The following GRID1 variants were observed in gnomAD, a reference collection of about 807,000 sequenced individuals.
The protein encoded by GRID1 is glutamate ionotropic receptor delta type subunit 1.
A neutral mutation model predicts 98.0 loss-of-function variants in GRID1; 28 were observed. The ratio of observed to expected loss-of-function variants is 0.29; its 90% CI spans 0.21 to 0.39. The LOEUF (loss-of-function observed/expected upper bound fraction) is 0.39. Ranked by LOEUF, GRID1 falls within the 10% of genes least tolerant of loss-of-function variation. GRID1 has a pLI of 1.00. For synonymous variants in GRID1, 553 were observed against 538.5 expected, an observed-to-expected ratio of 1.03 and a Z score of -0.37; for missense variants, 1,111 against 1,340.5, an observed-to-expected ratio of 0.83 and a Z score of 2.67.
rs182016007 is a variant in GRID1 at position 85,867,728 on chromosome 10, G to C, written c.951+1282C>G. On this transcript the variant is annotated intron_variant, in intron 6 of 15. Coordinates refer to ENST00000327946, the MANE Select transcript of GRID1 (RefSeq NM_017551.3). ...GCGGGGGCCTTGGGTCCACTCTCTT[G>C]GCCACCCCTCCACCGCCTTAGAAAG... Among the ~76,000 whole-genome samples the C allele has an allele frequency of 3.3e-5, 5 of 152,186 alleles. No homozygotes were observed. In the South Asian group the frequency reaches 1.0e-3, roughly 32 times the overall value.
intron 5 of GRID1, among the ~76,000 whole-genome samples, chr10:85,893,468 T>C (rs35450322): frequency 0.075 from 11,444 of 152,088 alleles, 482 homozygotes; most frequent in African/African-American, 0.083. Context: ...GGCATGATAG[T>C]CTATATCGAA....
At chr10:85,695,770 C>T (rs558080443) in intron 12 of GRID1, among the ~76,000 whole-genome samples, 3 of 152,082 alleles carry the variant, frequency 2.0e-5, no homozygotes, top group Non-Finnish European at 4.4e-5. Flanking sequence ...AACCAACCAA[C>T]CAAACAAACA....
intron 12 of GRID1, among the ~76,000 whole-genome samples, chr10:85,706,446 C>T (rs1166200416): frequency 6.6e-6 from 1 of 152,136 alleles, no homozygotes; most frequent in Admixed American, 6.5e-5. Context: ...CAAACCACTG[C>T]TCAGTGAATA....
At chr10:86,305,160 A>G (rs1249493723) in intron 2 of GRID1, among the ~76,000 whole-genome samples, 1 of 151,510 alleles carries the variant, frequency 6.6e-6, no homozygotes, top group East Asian at 1.9e-4. Flanking sequence ...TCTGCCCTAG[A>G]CTGTCTTCAG....
Position 85,651,763 on chromosome 10 carries a change from G to T in GRID1, c.1998-4366C>A, listed in dbSNP as rs145303356. Among the ~76,000 whole-genome samples, 495 of 152,284 alleles carry T rather than the reference G, an allele frequency of 3.3e-3. 4 individuals carry two copies. The highest frequency in any genetic ancestry group is 0.012 in the African/African-American group (482 of 41,566). ...CAGGCTGCCTGCCAGAGTCTGCACT[G>T]GCTCATGAAATGTCATGGTGCAAGC... On this transcript the variant is annotated intron_variant, in intron 12 of 15. Coordinates refer to ENST00000327946, the MANE Select transcript of GRID1 (RefSeq NM_017551.3).
At chr10:86,358,875 T>A (rs924612383) in intron 2 of GRID1, among the ~76,000 whole-genome samples, 2 of 151,648 alleles carry the variant, frequency 1.3e-5, no homozygotes, top group African/African-American at 4.8e-5. Context: ...GGAGATGTGA[T>A]GACAGAAGCC....
At chr10:86,241,652 G>A (rs1846638186) in intron 2 of GRID1, among the ~76,000 whole-genome samples, 1 of 152,212 alleles carries the variant, frequency 6.6e-6, no homozygotes, top group Non-Finnish European at 1.5e-5. Flanking sequence ...AATATCAATA[G>A]ATCTTTAATT....
intron 8 of GRID1, among the ~76,000 whole-genome samples, chr10:85,827,872 A>C (rs1842833433): frequency 6.6e-6 from 1 of 152,202 alleles, no homozygotes; most frequent in Non-Finnish European, 1.5e-5. Context: ...TATTCGACAG[A>C]TCGTCAAGGC....
intron 5 of GRID1, among the ~76,000 whole-genome samples, chr10:85,895,026 T>A (rs1471778212): frequency 6.9e-6 from 1 of 144,278 alleles, no homozygotes; most frequent in African/African-American, 2.6e-5. Flanking sequence ...AATATATATA[T>A]ATATATATAT....
intron 12 of GRID1, among the ~76,000 whole-genome samples, chr10:85,692,510 A>G (rs1841344949): frequency 1.3e-5 from 2 of 151,904 alleles, no homozygotes; most frequent in Non-Finnish European, 2.9e-5. Flanking sequence ...AAAAAATGCA[A>G]AAATTAGCCA....
chr10:85,916,704 C>T lies in GRID1; in HGVS notation c.727-465G>A, dbSNP rs987903618. On this transcript the variant is annotated intron_variant, in intron 4 of 15. Transcript: ENST00000327946. The surrounding 1 kb of genome is among the most constrained non-coding windows in gnomAD (Gnocchi z 4.0). ...AGGAAGACAGCAGCTCACAGCAGCT[C>T]TGGGGCTCCGAGTTTCCTTCAGTTC... Among the ~76,000 whole-genome samples, 4 of 152,230 alleles carry T rather than the reference C, an allele frequency of 2.6e-5. No individual in the cohort carries two copies. The highest frequency in any genetic ancestry group is 7.2e-5 in the African/African-American group (3 of 41,458).
chr10:85,687,555 A>T (rs1370978992), intron 12 of GRID1, among the ~76,000 whole-genome samples: 1 of 152,150 alleles, frequency 6.6e-6, no homozygotes, highest in Non-Finnish European at 1.5e-5. Flanking sequence ...GCTGGAGCCC[A>T]GGAGATTGAG....
At chr10:86,118,822 T>C (rs1359084704) in intron 4 of GRID1, among the ~76,000 whole-genome samples, 2 of 152,140 alleles carry the variant, frequency 1.3e-5, no homozygotes, top group Non-Finnish European at 1.5e-5. Context: ...AACCCAAATC[T>C]AATCATGAGA....
chr10:85,764,563 C>T (rs1842179420), intron 8 of GRID1, among the ~76,000 whole-genome samples: 1 of 152,182 alleles, frequency 6.6e-6, no homozygotes, highest in South Asian at 2.1e-4. Flanking sequence ...CAGCACAATA[C>T]AGGGCCCAGG....
At chr10:85,665,323 C>G (rs972657641) in intron 12 of GRID1, among the ~76,000 whole-genome samples, 2 of 152,102 alleles carry the variant, frequency 1.3e-5, no homozygotes, top group African/African-American at 2.4e-5. Flanking sequence ...AAAGAGCTAC[C>G]CTGGTCCACC....
At chr10:85,897,901 C>T (rs577978984) in intron 5 of GRID1, among the ~76,000 whole-genome samples, 5 of 152,294 alleles carry the variant, frequency 3.3e-5, no homozygotes, top group Admixed American at 1.3e-4. Flanking sequence ...CTCTGGCCCA[C>T]GGCATCTCAC....
At chr10:85,770,075 C>A (rs1842241812) in intron 8 of GRID1, among the ~76,000 whole-genome samples, 1 of 152,196 alleles carries the variant, frequency 6.6e-6, no homozygotes, top group African/African-American at 2.4e-5. Flanking sequence ...AGAGGCACCC[C>A]CCAGTAGGGG....
chr10:85,634,279 T>A (rs1843009538), intron 13 of GRID1, among the ~76,000 whole-genome samples: 1 of 145,464 alleles, frequency 6.9e-6, no homozygotes, highest in African/African-American at 2.6e-5. Context: ...TCTCTCTCTC[T>A]CTCTCTCTCT....
At chr10:85,652,833 T>C (rs1426056487) in intron 12 of GRID1, among the ~76,000 whole-genome samples, 1 of 152,264 alleles carries the variant, frequency 6.6e-6, no homozygotes, top group East Asian at 1.9e-4. Flanking sequence ...CATTCACTCG[T>C]CATTCAAAAA....
Sources: allele counts gnomAD v4.1 joint callset (sites outside exome capture counted in the v4.1 genomes callset), GRCh38; gene constraint gnomAD v4.1.1; non-coding constraint Gnocchi (gnomAD v3.1); transcripts MANE v1.5; gene names NCBI Gene and HGNC (gene_info 2026-07-23, HGNC 2026-07-21).